The following WASHC5 variants were observed in gnomAD, a reference collection of about 807,000 sequenced individuals.
The protein encoded by WASHC5 is WASH complex subunit 5.
WASHC5 carries 101 observed loss-of-function variants against 150.4 expected under a neutral mutation model. The observed-to-expected ratio is 0.67, with a 90% CI of 0.57 to 0.79. The LOEUF is 0.79. Ranked by LOEUF, WASHC5 falls within the 30% of genes least tolerant of loss-of-function variation. The probability of loss-of-function intolerance (pLI) is 0.00; values close to 1 mark genes in which losing one functional copy is unlikely to be tolerated. For synonymous variants in WASHC5, 467 were observed against 491.2 expected (o/e 0.95, Z 0.65); for missense variants, 1,195 against 1,396.3 (o/e 0.86, Z 2.30).
At chr8:125,081,582 C>G (rs1466827861) in intron 5 of WASHC5, 79 bp downstream of exon 5, 1 of 832,874 alleles carries the variant, frequency 1.2e-6, no homozygotes, top group Admixed American at 1.7e-5. Context: ...CTGCTGTTCA[C>G]AGTATAAGGA....
At position 125,063,540 on chromosome 8, in the gene WASHC5, T is replaced by G. The variant is rs1816663844; in HGVS notation, c.1390A>C (p.Thr464Pro). Residue 464 changes from threonine to proline, a missense_variant, in exon 11 of 29, where the codon ACC becomes CCC. Around this residue, in one of 3 missense-constraint regions of WASHC5, gnomAD observed 997 missense variants for 1,168.1 expected, o/e 0.85. Transcript: ENST00000318410. ...TAATTACCATTTTTCTCCACTCTGG[T>G]TAGGGGTTTCACTCCTGAAAAGACA... ...ADVFSGVKPL[T>P]RVEKNENLQA... The G allele has an allele frequency of 6.2e-7, 1 of 1,613,868 alleles. No homozygotes were observed. Among genetic ancestry groups the G allele is most frequent in the African/African-American group, 1.3e-5 (1 of 74,934 alleles).
In WASHC5 at chr8:125,028,680, A is replaced by G. The variant is rs145836375; in HGVS notation, c.3363T>C (p.Asp1121=). 7 of 1,613,720 alleles carry G rather than the reference A, an allele frequency of 4.3e-6. No individual in the cohort carries two copies. In the African/African-American group the frequency reaches 8.0e-5, roughly 18 times the overall value. The change falls in exon 28 of 29, where the codon GAT becomes GAC. Residue 1121 remains aspartate (D), a synonymous_variant. Coordinates refer to ENST00000318410, the MANE Select transcript of WASHC5 (RefSeq NM_014846.4). Reference sequence around the variant, plus strand: ...CCAGGAACAGAAGGGCACCCACAACATCTGCAGGAATTTCAGGTATCTTCT... The same window carrying G: ...CCAGGAACAGAAGGGCACCCACAACGTCTGCAGGAATTTCAGGTATCTTCT... ...TSQKIPEIPA[D]VVGALLFLED... is the part of the protein sequence containing the mutation.
At chr8:125,074,977 T>A (rs1278751704) in intron 8 of WASHC5, 21 bp downstream of exon 8, 2 of 1,381,356 alleles carry the variant, frequency 1.4e-6, no homozygotes, top group Non-Finnish European at 2.1e-6. Context: ...TATCAGAGAA[T>A]GTCCCCAGAT....
intron 20 of WASHC5, 138 bp from the exon 21 acceptor site, chr8:125,044,836 AGGCACC>A: frequency 1.1e-6 from 1 of 906,832 alleles, no homozygotes; most frequent in South Asian, 1.3e-5. Context: ...CTCTGTATTC[AGGCACC>A]CAATGCGTCT....
intron 18 of WASHC5, 85 bp downstream of exon 18, chr8:125,050,479 G>T: frequency 1.1e-6 from 1 of 884,896 alleles, no homozygotes; most frequent in Non-Finnish European, 1.9e-6. Flanking sequence ...GTAAGGTCTT[G>T]TTCGCGATAG....
At chr8:125,079,746 AG>A (rs1245217246) in intron 5 of WASHC5, among the ~76,000 whole-genome samples, 2 of 152,210 alleles carry the variant, frequency 1.3e-5, no homozygotes, top group Non-Finnish European at 2.9e-5. Flanking sequence ...AGATAAGTGA[AG>A]ACTATATATA....
At chr8:125,045,058 T>C (rs1816021628) in intron 20 of WASHC5, 1 of 256,000 alleles carries the variant, frequency 3.9e-6, no homozygotes, top group Non-Finnish European at 7.6e-6. Flanking sequence ...TTCCTTTAAA[T>C]TTCCAGTTTG....
chr8:125,088,416 C>A (rs1211188991), intron 1 of WASHC5, among the ~76,000 whole-genome samples: 2 of 129,370 alleles, frequency 1.5e-5, no homozygotes. Context: ...CAGAGTGAGA[C>A]TTCATCTCAA....
chr8:125,043,437 G>A (rs894274764), intron 23 of WASHC5, among the ~76,000 whole-genome samples: 6 of 152,336 alleles, frequency 3.9e-5, no homozygotes, highest in Middle Eastern at 3.4e-3. Context: ...ACACAAGAGG[G>A]CAGAGAGACA....
rs1815975006 is a variant in WASHC5, at chr8:125,043,975, A to C, written c.2770+17T>G. 6.6e-7 allele frequency: 1 copy of C among 1,513,118 alleles called. No individual in the cohort carries two copies. The highest frequency in any genetic ancestry group is 1.4e-5 in the African/African-American group (1 of 71,952). 93.7% of individuals were successfully genotyped at this position (1,513,118 alleles called of 1,614,324 possible). On this transcript the variant is annotated intron_variant, in intron 22 of 28. Coordinates refer to ENST00000318410, the MANE Select transcript of WASHC5 (RefSeq NM_014846.4). ...CTACAGTGTCATCCCCGCCTCAGGT[A>C]GTTTCAGGACACTCACCGACAATAC... is the stretch of plus-strand genomic sequence containing the variant.
intron 25 of WASHC5, 57 bp from the exon 26 acceptor site, chr8:125,037,390 G>GT (rs1815746441): frequency 9.8e-7 from 1 of 1,022,972 alleles, no homozygotes; most frequent in Non-Finnish European, 1.5e-6. Context: ...CAATACCACA[G>GT]AACAGGTTTC....
chr8:125,045,877 G>A (rs186526855), intron 20 of WASHC5, among the ~76,000 whole-genome samples: 39 of 152,272 alleles, frequency 2.6e-4, no homozygotes, highest in Middle Eastern at 6.8e-3. Flanking sequence ...TGCACTAATA[G>A]GGCACTGGGT....
chr8:125,054,404 T>G (rs1816341382), intron 17 of WASHC5, among the ~76,000 whole-genome samples: 1 of 152,086 alleles, frequency 6.6e-6, no homozygotes. Context: ...CTTGCATATG[T>G]AGGAACAATT....
chr8:125,070,323 T>C (rs12546767), intron 9 of WASHC5, among the ~76,000 whole-genome samples: 17,462 of 152,262 alleles, frequency 0.11, 1,307 homozygotes, highest in East Asian at 0.23. Context: ...AGGTCAATCA[T>C]TTGTTTCTGA....
At chr8:125,073,043 C>A in intron 9 of WASHC5, 110 bp downstream of exon 9, 1 of 1,168,538 alleles carries the variant, frequency 8.6e-7, no homozygotes, top group Non-Finnish European at 1.3e-6. Context: ...CAACTTGATT[C>A]TCATCCAAGG....
chr8:125,033,812 T>A (rs1174704261), intron 26 of WASHC5, among the ~76,000 whole-genome samples: 1 of 152,044 alleles, frequency 6.6e-6, no homozygotes, highest in Non-Finnish European at 1.5e-5. Flanking sequence ...CCTCCCAAAA[T>A]GCTGGGATTA....
chr8:125,074,128 A>G (rs10505449), intron 8 of WASHC5, among the ~76,000 whole-genome samples: 16,792 of 152,248 alleles, frequency 0.11, 2,168 homozygotes, highest in African/African-American at 0.31. Context: ...CATTAACCTC[A>G]TCAAGTTAGT....
Position 125,055,589 on chromosome 8 carries a change from A to C in WASHC5, c.2097+2T>G. ...GGCCACGCAGACTAACAAAACTGTT[A>C]CCTTGATGATGCCAACCAAAGTCGT... On this transcript the variant is annotated splice_donor_variant, in intron 17 of 28. Transcript: ENST00000318410. LOFTEE classifies it high-confidence loss of function. 1 of 1,593,424 alleles carries C rather than the reference A, an allele frequency of 6.3e-7. No individual in the cohort carries two copies. Among genetic ancestry groups the C allele is most frequent in the Non-Finnish European group, 8.6e-7 (1 of 1,161,098 alleles).
intron 14 of WASHC5, among the ~76,000 whole-genome samples, chr8:125,058,128 G>A (rs1228076269): frequency 1.3e-5 from 2 of 151,330 alleles, no homozygotes; most frequent in South Asian, 2.1e-4. Flanking sequence ...CTAATATGCC[G>A]TCAAGTGTAA....
Sources: gnomAD v4.1 joint callset for allele counts (sites outside exome capture counted in the v4.1 genomes callset) on GRCh38, gnomAD v4.1.1 for gene constraint, gnomAD v4.1.1 regional missense constraint, MANE v1.5 for transcripts, NCBI Gene and HGNC (gene_info 2026-07-23, HGNC 2026-07-21) for gene names.